Variants in RADIL observed in about 807,000 individuals in gnomAD.
RADIL encodes the protein Rap associating with DIL domain, also known as ras-associating and dilute domain-containing protein.
In RADIL, 99 loss-of-function variants were observed where a neutral mutation model predicts 97.6. The observed-to-expected ratio is 1.01, with a 90% confidence interval of 0.86 to 1.20. RADIL has a LOEUF of 1.20. Among genes scored for constraint, RADIL ranks in the 50% most tolerant of loss-of-function variants. The pLI is 0.00. For synonymous variants in RADIL, 803 were observed against 691.8 expected (o/e 1.16, Z -2.52); for missense variants, 1,765 against 1,498.9 (o/e 1.18, Z -2.93).
chr7:4,802,519 C>A (rs1189479529), intron 11 of RADIL, among the ~76,000 whole-genome samples: 1 of 133,360 alleles, frequency 7.5e-6, no homozygotes, highest in African/African-American at 3.3e-5. Flanking sequence ...GCTGGATGGA[C>A]CCCCTCTCTG....
intron 9 of RADIL, among the ~76,000 whole-genome samples, chr7:4,809,884 GCT>G (rs1162721098): frequency 6.6e-6 from 1 of 152,114 alleles, no homozygotes; most frequent in East Asian, 1.9e-4. Flanking sequence ...ACAGCGTCTT[GCT>G]CTGTCACCCA....
Position 4,799,746 on chromosome 7 carries a change from C to A in RADIL, c.3006G>T (p.Gly1002=). 1 of 1,547,450 alleles carries A rather than the reference C, an allele frequency of 6.5e-7. No homozygotes were observed. ...DGMHTHLGAP[G]LYIQTLLPGS... ...CCGGGAGCAGGGTCTGGATGTAGAGCCCGGGGGCGCCCAGGTGCGTGTGCT... is the reference window on the plus strand; with the variant it reads ...CCGGGAGCAGGGTCTGGATGTAGAGACCGGGGGCGCCCAGGTGCGTGTGCT... The change falls in exon 14 of 15, where the codon GGG becomes GGT. Residue 1002 remains glycine, a synonymous_variant. Transcript: ENST00000399583.
chr7:4,802,954 C>A (rs1782160405), intron 11 of RADIL, among the ~76,000 whole-genome samples: 2 of 95,646 alleles, frequency 2.1e-5, no homozygotes, highest in Admixed American at 8.9e-5. Context: ...TCGGGGCACG[C>A]TGGCTGGGGG....
rs1784298062 is a variant in RADIL, at chr7:4,873,357, A to G, written c.535+4248T>C. Among the ~76,000 whole-genome samples the G allele has an allele frequency of 6.6e-6, 1 of 152,198 alleles. No homozygotes were observed. The highest frequency in any genetic ancestry group is 6.5e-5 in the Admixed American group (1 of 15,280). On this transcript the variant is annotated intron_variant, in intron 2 of 14. Transcript: ENST00000399583. This position sits in a 1 kb window ranked among gnomAD's most constrained non-coding sequence, Gnocchi z 4.3. ...GTCACACATGCATGCACACACATGC[A>G]CACCACACAGACACACACACATGGT...
Position 4,817,358 on chromosome 7 carries a change from G to A in RADIL, c.1616-7C>T. On this transcript the variant is annotated splice_polypyrimidine_tract_variant and splice_region_variant and intron_variant, in intron 6 of 14. Transcript: ENST00000399583. The surrounding 1 kb of genome is among the most constrained non-coding windows in gnomAD (Gnocchi z 8.3). ...AACAGCGATTCCTTCGAGCCTGCCG[G>A]GAGACAGCCACGCCAATGGTCACAA... The A allele has an allele frequency of 1.2e-6, 2 of 1,609,282 alleles. No individual in the cohort carries two copies. The highest frequency in any genetic ancestry group is 1.7e-6 in the Non-Finnish European group (2 of 1,178,334).
chr7:4,842,539 G>A lies in RADIL; in HGVS notation c.536-5934C>T, dbSNP rs113286559. Among the ~76,000 whole-genome samples the A allele has an allele frequency of 2.3e-3, 347 of 152,246 alleles. 1 individual carries two copies. The highest frequency in any genetic ancestry group is 7.8e-3 in the African/African-American group (324 of 41,546). On this transcript the variant is annotated intron_variant, in intron 2 of 14. Transcript: ENST00000399583. This position sits in a 1 kb window ranked among gnomAD's most constrained non-coding sequence, Gnocchi z 4.5. ...CGTGCCGGGGGTGCACAGGGAAACT[G>A]GACAAGCAGCTGGTGACCGTCACCA... is the stretch of plus-strand genomic sequence containing the variant.
chr7:4,815,504 A>C lies in RADIL; in HGVS notation c.1967-54T>G, dbSNP rs1782654900. 1 of 1,438,422 alleles carries C rather than the reference A, an allele frequency of 7.0e-7. No homozygotes were observed. The highest frequency in any genetic ancestry group is 1.4e-5 in the African/African-American group (1 of 70,080). The allele number at this position is 1,438,422 out of a possible 1,614,324, so 89.1% of individuals were successfully genotyped here. ...CTGGGCTGCCCTCCTGGGGGGACAC[A>C]GACATGGGCCTGTCCCCAGAGCCTG... is the stretch of plus-strand genomic sequence containing the variant. On this transcript the variant is annotated intron_variant, in intron 8 of 14. Coordinates refer to ENST00000399583, the MANE Select transcript of RADIL (RefSeq NM_018059.5). The surrounding 1 kb of genome is among the most constrained non-coding windows in gnomAD (Gnocchi z 8.0).
Position 4,860,429 on chromosome 7 carries a change from A to G in RADIL, c.535+17176T>C, listed in dbSNP as rs1255277478. 3.7e-6 allele frequency: 6 copies of G among 1,614,060 alleles called. No homozygotes were observed. The South Asian group carries it at 4.4e-5, about 12-fold the overall frequency. On this transcript the variant is annotated intron_variant, in intron 2 of 14. Coordinates refer to ENST00000399583, the MANE Select transcript of RADIL (RefSeq NM_018059.5). Reference sequence around the variant, plus strand: ...ATAAACAGTATCTGTGAAAGACTGGATATCATAGGTGAGATCAATGCTGAG... The same window carrying G: ...ATAAACAGTATCTGTGAAAGACTGGGTATCATAGGTGAGATCAATGCTGAG...
chr7:4,855,249 T>A (rs1341243951), intron 2 of RADIL, among the ~76,000 whole-genome samples: 1 of 152,198 alleles, frequency 6.6e-6, no homozygotes, highest in Admixed American at 6.5e-5. Context: ...CATTTTCAAA[T>A]GCTTCCTGAC....
intron 2 of RADIL, among the ~76,000 whole-genome samples, chr7:4,851,962 T>C (rs1373266920): frequency 6.6e-6 from 1 of 152,202 alleles, no homozygotes; most frequent in East Asian, 1.9e-4. Context: ...GTGTTCCTCA[T>C]ATATTTTTCT....
intron 2 of RADIL, among the ~76,000 whole-genome samples, chr7:4,851,305 C>T (rs995203618): frequency 2.6e-5 from 4 of 152,204 alleles, no homozygotes; most frequent in African/African-American, 9.6e-5. Flanking sequence ...CTTTGGTAAC[C>T]AGGCAATAGG....
intron 2 of RADIL, among the ~76,000 whole-genome samples, chr7:4,863,017 C>G (rs1784056104): frequency 6.6e-6 from 1 of 152,182 alleles, no homozygotes; most frequent in African/African-American, 2.4e-5. Context: ...GCTTCTTGGG[C>G]ACTTCCTGGG....
rs999190520 is a variant in RADIL at position 4,819,416 on chromosome 7, C to T, written c.1616-2065G>A. Among the ~76,000 whole-genome samples the T allele has an allele frequency of 6.6e-6, 1 of 152,044 alleles. No individual in the cohort carries two copies. Among genetic ancestry groups the T allele is most frequent in the African/African-American group, 2.4e-5 (1 of 41,392 alleles). On this transcript the variant is annotated intron_variant, in intron 6 of 14. Coordinates refer to ENST00000399583, the MANE Select transcript of RADIL (RefSeq NM_018059.5). This position sits in a 1 kb window ranked among gnomAD's most constrained non-coding sequence, Gnocchi z 5.8. ...GACGCCTCTCCCTGTGGTACCAGGG[C>T]TGGTGGGCATTTCTGAGGATTTCCG...
intron 2 of RADIL, among the ~76,000 whole-genome samples, chr7:4,868,549 G>A (rs73318115): frequency 0.044 from 6,658 of 152,230 alleles, 451 homozygotes; most frequent in African/African-American, 0.15. Context: ...CTCCCCTATC[G>A]TGTGTGTTAG....
At chr7:4,861,464 T>A in intron 2 of RADIL, 2 of 1,614,066 alleles carry the variant, frequency 1.2e-6, no homozygotes, top group Non-Finnish European at 1.7e-6. Flanking sequence ...GCACAAGGCG[T>A]CAATATCTGC....
intron 9 of RADIL, among the ~76,000 whole-genome samples, chr7:4,811,491 T>C (rs1233575903): frequency 7.6e-6 from 1 of 131,870 alleles, no homozygotes; most frequent in South Asian, 2.7e-4. Context: ...TTTTTTTTTT[T>C]TTTTTTTTTT....
In RADIL at chr7:4,834,715, G is replaced by A. The variant is rs540883493; in HGVS notation, c.1308C>T (p.Pro436=). 1.1e-5 allele frequency: 16 copies of A among 1,411,766 alleles called. No homozygotes were observed. The highest frequency in any genetic ancestry group is 7.4e-5 in the African/African-American group (5 of 67,868). 87.5% of individuals were successfully genotyped at this position (1,411,766 alleles called of 1,614,324 possible). The stretch of plus-strand genomic sequence containing the variant: ...GGATGCAGAGGCACAGGAGGAAGGC[G>A]GGGGTCAGCTTGTGGTCGTCGCCCC... ...EPGGDDHKLT[P]AFLLCLCIQH... Residue 436 remains proline, a synonymous_variant, in exon 4 of 15, where the codon CCC becomes CCT. Transcript: ENST00000399583. This position sits in a 1 kb window ranked among gnomAD's most constrained non-coding sequence, Gnocchi z 6.0.
At chr7:4,808,854 C>CCA (rs1782437918) in intron 9 of RADIL, 1 of 971,922 alleles carries the variant, frequency 1.0e-6, no homozygotes, top group African/African-American at 1.9e-5. Flanking sequence ...CCTTCCAACG[C>CCA]CACTGCCCCT....
At chr7:4,816,530 C>A (rs2115188410) in intron 7 of RADIL, 65 bp from the exon 8 acceptor site, 8 of 1,377,372 alleles carry the variant, frequency 5.8e-6, no homozygotes, top group South Asian at 1.3e-5. Context: ...GAACGGGGGG[C>A]CTGACCCAGC....
Sources: allele counts gnomAD v4.1 joint callset (sites outside exome capture counted in the v4.1 genomes callset), GRCh38; gene constraint gnomAD v4.1.1; non-coding constraint Gnocchi (gnomAD v3.1); transcripts MANE v1.5; gene names NCBI Gene and HGNC (gene_info 2026-07-23, HGNC 2026-07-21).